Variants in GRM5 observed in about 807,000 individuals in gnomAD.
GRM5 encodes glutamate metabotropic receptor 5, also known as metabotropic glutamate receptor 5.
GRM5 carries 19 observed loss-of-function variants against 83.1 expected under a neutral mutation model. That is an observed-to-expected ratio of 0.23 (90% confidence interval 0.16 to 0.34). The LOEUF is 0.34. Ranked by LOEUF, GRM5 falls within the 10% of genes least tolerant of loss-of-function variation. The probability of loss-of-function intolerance (pLI) is 1.00; values close to 1 mark genes in which losing one functional copy is unlikely to be tolerated. For synonymous variants in GRM5, 675 were observed against 633.6 expected, an observed-to-expected ratio of 1.07 and a Z score of -0.98; for missense variants, 1,160 against 1,588.3, an observed-to-expected ratio of 0.73 and a Z score of 4.58.
chr11:88,593,055 A>C (rs1937682187), intron 6 of GRM5, among the ~76,000 whole-genome samples: 1 of 152,144 alleles, frequency 6.6e-6, no homozygotes, highest in South Asian at 2.1e-4. Flanking sequence ...CCTGAGCTCA[A>C]GGGATTCTCC....
At chr11:88,893,738 C>A (rs758688980) in intron 2 of GRM5, among the ~76,000 whole-genome samples, 9 of 151,948 alleles carry the variant, frequency 5.9e-5, no homozygotes, top group Non-Finnish European at 1.0e-4. Context: ...CTTCCAGGAA[C>A]CCTTAGATCG....
chr11:89,043,500 A>T (rs1297620471), intron 2 of GRM5, among the ~76,000 whole-genome samples: 1 of 152,206 alleles, frequency 6.6e-6, no homozygotes, highest in Non-Finnish European at 1.5e-5. Flanking sequence ...AAGCATTTTA[A>T]ATATTCTTTC....
At chr11:88,761,680 T>C (rs1409842774) in intron 3 of GRM5, among the ~76,000 whole-genome samples, 1 of 152,000 alleles carries the variant, frequency 6.6e-6, no homozygotes, top group East Asian at 1.9e-4. Context: ...AATGATACTC[T>C]TCACAGAACT....
At chr11:89,033,326 G>T (rs1411503770) in intron 2 of GRM5, among the ~76,000 whole-genome samples, 2 of 148,984 alleles carry the variant, frequency 1.3e-5, no homozygotes, top group East Asian at 3.9e-4. Context: ...CACTGACCTT[G>T]AAACCAAATT....
intron 3 of GRM5, among the ~76,000 whole-genome samples, chr11:88,825,792 C>A (rs1400745846): frequency 6.6e-6 from 1 of 152,160 alleles, no homozygotes; most frequent in East Asian, 1.9e-4. Flanking sequence ...AAGGAACCCT[C>A]AAGGAAATTA....
chr11:88,550,583 T>C (rs1252564260), intron 8 of GRM5, among the ~76,000 whole-genome samples: 3 of 152,152 alleles, frequency 2.0e-5, no homozygotes, highest in Non-Finnish European at 4.4e-5. Flanking sequence ...TCTTCAGACG[T>C]TGACTGGATT....
At chr11:88,798,191 T>G (rs548256577) in intron 3 of GRM5, among the ~76,000 whole-genome samples, 2 of 152,302 alleles carry the variant, frequency 1.3e-5, no homozygotes, top group Middle Eastern at 3.4e-3. Context: ...CAGTGTTGAG[T>G]GATATTTAGC....
rs566624463 is a variant in GRM5, at chr11:88,943,138, G to A, written c.662-92983C>T. Among the ~76,000 whole-genome samples, 29 of 152,162 alleles carry A rather than the reference G, an allele frequency of 1.9e-4. 1 individual carries two copies. The South Asian group carries it at 5.0e-3, about 26-fold the overall frequency. On this transcript the variant is annotated intron_variant, in intron 2 of 9. Transcript: ENST00000305447. ...CCTAACAGGGCTTCATATAGGTGTC[G>A]TTAGGAAAGAACCACTGAACTCTAA...
rs1017025482 is a variant in GRM5, at chr11:88,507,019, T to C, written c.*1573A>G. The C allele has an allele frequency of 6.8e-6, 1 of 147,464 alleles. No homozygotes were observed. The highest frequency in any genetic ancestry group is 1.5e-5 in the Non-Finnish European group (1 of 68,022). 9.1% of individuals were successfully genotyped at this position (147,464 alleles called of 1,614,324 possible). Reference sequence around the variant, plus strand: ...AGGACACCTCCTCCATTTATTACTATCCTTATTTAAAAATCAAAACATTTG... The same window carrying C: ...AGGACACCTCCTCCATTTATTACTACCCTTATTTAAAAATCAAAACATTTG... On this transcript the variant is annotated 3_prime_UTR_variant, in exon 10 of 10. Coordinates refer to ENST00000305447, the MANE Select transcript of GRM5 (RefSeq NM_001143831.3).
chr11:88,624,934 G>C (rs1445138707), intron 4 of GRM5, among the ~76,000 whole-genome samples: 1 of 152,088 alleles, frequency 6.6e-6, no homozygotes, highest in African/African-American at 2.4e-5. Flanking sequence ...GTTATTGCTA[G>C]GGGATCTAGG....
intron 8 of GRM5, among the ~76,000 whole-genome samples, chr11:88,555,062 C>T (rs865857453): frequency 2.0e-5 from 3 of 152,140 alleles, no homozygotes; most frequent in African/African-American, 7.2e-5. Flanking sequence ...CTCAGACAAC[C>T]TTGGATGTCA....
intron 3 of GRM5, among the ~76,000 whole-genome samples, chr11:88,695,620 A>G (rs1471057585): frequency 1.3e-5 from 2 of 152,228 alleles, no homozygotes; most frequent in African/African-American, 4.8e-5. Context: ...ATATTTGAAT[A>G]TTTCCTGGGG....
At chr11:88,602,332 G>A (rs1425102794) in intron 5 of GRM5, among the ~76,000 whole-genome samples, 2 of 152,132 alleles carry the variant, frequency 1.3e-5, no homozygotes, top group Non-Finnish European at 1.5e-5. Flanking sequence ...CTGGCACCAT[G>A]GTTTTCATTA....
intron 6 of GRM5, 137 bp downstream of exon 6, chr11:88,597,047 A>G (rs1937828729): frequency 9.0e-6 from 5 of 556,198 alleles, no homozygotes; most frequent in Non-Finnish European, 6.2e-6. Flanking sequence ...TTCACAAGGA[A>G]TGAGTGAGAA....
intron 3 of GRM5, among the ~76,000 whole-genome samples, chr11:88,750,127 A>G (rs1380994607): frequency 6.6e-6 from 1 of 152,222 alleles, no homozygotes; most frequent in Non-Finnish European, 1.5e-5. Context: ...GACCCAATTA[A>G]AAGACACAGA....
chr11:88,628,608 A>T (rs1014168918), intron 4 of GRM5, among the ~76,000 whole-genome samples: 12 of 152,278 alleles, frequency 7.9e-5, no homozygotes, highest in African/African-American at 2.2e-4. Context: ...TAACAGATGG[A>T]TCCTTTAACT....
At chr11:88,940,098 G>C (rs1938038668) in intron 2 of GRM5, among the ~76,000 whole-genome samples, 1 of 151,776 alleles carries the variant, frequency 6.6e-6, no homozygotes. Flanking sequence ...TAAACGTCAG[G>C]GTTCTTAACA....
intron 2 of GRM5, among the ~76,000 whole-genome samples, chr11:88,990,358 T>A (rs1296003362): frequency 6.6e-6 from 1 of 151,340 alleles, no homozygotes; most frequent in Non-Finnish European, 1.5e-5. Flanking sequence ...TCTGAAATTG[T>A]GGCAATAATC....
At chr11:88,997,333 T>TAAAAAAAAAAA (rs371168643) in intron 2 of GRM5, among the ~76,000 whole-genome samples, 2 of 119,886 alleles carry the variant, frequency 1.7e-5, no homozygotes, top group Admixed American at 8.6e-5. Context: ...GTCTCAAAAT[T>TAAAAAAAAAAA]AAAAAAAAAA....
Sources: gnomAD v4.1 joint callset for allele counts (sites outside exome capture counted in the v4.1 genomes callset) on GRCh38, gnomAD v4.1.1 for gene constraint, MANE v1.5 for transcripts, NCBI Gene and HGNC (gene_info 2026-07-23, HGNC 2026-07-21) for gene names.